Variants in VPS13B observed in about 807,000 individuals in gnomAD.
The protein encoded by VPS13B is vacuolar protein sorting 13 homolog B.
In VPS13B, 285 loss-of-function variants were observed where a neutral mutation model predicts 426.4. The observed-to-expected ratio is 0.67, with a 90% CI of 0.61 to 0.74. VPS13B has a LOEUF of 0.74. Ranked by LOEUF, VPS13B falls within the 30% of genes least tolerant of loss-of-function variation. VPS13B has a pLI of 0.00. For synonymous variants in VPS13B, 1,676 were observed against 1,676.4 expected, an observed-to-expected ratio of 1.00 and a Z score of 0.01; for missense variants, 4,537 against 4,782.6, an observed-to-expected ratio of 0.95 and a Z score of 1.51.
chr8:99,121,234 A>C lies in VPS13B; in HGVS notation c.995A>C (p.Glu332Ala). 1 of 1,614,140 alleles carries C rather than the reference A, an allele frequency of 6.2e-7. No individual in the cohort carries two copies. Among genetic ancestry groups the C allele is most frequent in the Non-Finnish European group, 8.5e-7 (1 of 1,180,004 alleles). ...MQYPAQHKGQELYSQQDEEQP... is the reference protein window; with the variant it reads ...MQYPAQHKGQALYSQQDEEQP... Reference sequence around the variant, plus strand: ...TATCCTGCTCAGCATAAAGGTCAAGAGTTATATTCACAGCAAGATGAGGAG... The same window carrying C: ...TATCCTGCTCAGCATAAAGGTCAAGCGTTATATTCACAGCAAGATGAGGAG... Residue 332 changes from glutamate to alanine, a missense_variant, in exon 8 of 62, where the codon GAG (glutamate) becomes GCG (alanine). Glu to Ala is a moderately radical substitution (Grantham distance 107). Coordinates refer to ENST00000357162, the MANE Select transcript of VPS13B (RefSeq NM_152564.5).
In VPS13B at chr8:99,024,780, CAG is replaced by C. The variant is rs148685772; in HGVS notation, c.147+10848_147+10849del. Among the ~76,000 whole-genome samples, 200 of 152,268 alleles carry C rather than the reference CAG, an allele frequency of 1.3e-3. 2 individuals carry two copies. Among genetic ancestry groups the C allele is most frequent in the African/African-American group, 4.6e-3 (191 of 41,552 alleles). ...TTTGCTCAGAATTGCTTTGGTTATTCAGAGTCTAGTAGCCAAATACAAATTTT... is the reference window on the plus strand; with the variant it reads ...TTTGCTCAGAATTGCTTTGGTTATTCAGTCTAGTAGCCAAATACAAATTTT... On this transcript the variant is annotated intron_variant, in intron 2 of 61. Coordinates refer to ENST00000357162, the MANE Select transcript of VPS13B (RefSeq NM_152564.5).
At chr8:99,783,265 A>G (rs1355792453) in intron 42 of VPS13B, among the ~76,000 whole-genome samples, 1 of 152,152 alleles carries the variant, frequency 6.6e-6, no homozygotes, top group Non-Finnish European at 1.5e-5. Flanking sequence ...AAAGTGGCAA[A>G]TGATGGAGTG....
intron 30 of VPS13B, among the ~76,000 whole-genome samples, chr8:99,540,040 TATATATATATATATATATATATA>T (rs1301133921): frequency 0.12 from 539 of 4,574 alleles, 5 homozygotes; most frequent in East Asian, 0.25. Context: ...TATATATATA[TATATATATATATATATATATATA>T]TTTTTTTTTT....
intron 19 of VPS13B, among the ~76,000 whole-genome samples, chr8:99,331,601 C>A (rs1810547318): frequency 6.6e-6 from 1 of 151,570 alleles, no homozygotes; most frequent in African/African-American, 2.4e-5. Flanking sequence ...CCTGTAAGGG[C>A]CAGTTGGTTA....
intron 36 of VPS13B, among the ~76,000 whole-genome samples, chr8:99,714,671 C>T (rs1832841011): frequency 6.6e-6 from 1 of 152,088 alleles, no homozygotes; most frequent in Non-Finnish European, 1.5e-5. Context: ...CTAAGGGGGT[C>T]ACTTTGGTGG....
intron 19 of VPS13B, among the ~76,000 whole-genome samples, chr8:99,374,047 G>A (rs889148626): frequency 6.6e-6 from 1 of 151,964 alleles, no homozygotes; most frequent in Non-Finnish European, 1.5e-5. Context: ...TTTTCAATGG[G>A]TATAGAAATC....
chr8:99,816,063 C>T (rs772183464), intron 44 of VPS13B, among the ~76,000 whole-genome samples: 9 of 150,150 alleles, frequency 6.0e-5, no homozygotes, highest in African/African-American at 2.0e-4. Flanking sequence ...AACTCCTAAC[C>T]TTGGCCTCTA....
chr8:99,744,472 A>G (rs1809956978), intron 39 of VPS13B, among the ~76,000 whole-genome samples: 1 of 152,234 alleles, frequency 6.6e-6, no homozygotes. Flanking sequence ...GTTACTGGGT[A>G]TATACCCAAA....
At chr8:99,190,205 G>T (rs1179312054) in intron 16 of VPS13B, among the ~76,000 whole-genome samples, 1 of 152,020 alleles carries the variant, frequency 6.6e-6, no homozygotes, top group Non-Finnish European at 1.5e-5. Flanking sequence ...AGTTTACTTT[G>T]TCTAATGTTA....
chr8:99,123,139 A>G (rs1369097590), intron 8 of VPS13B, among the ~76,000 whole-genome samples: 1 of 151,560 alleles, frequency 6.6e-6, no homozygotes, highest in Non-Finnish European at 1.5e-5. Flanking sequence ...AAAAAAAAAA[A>G]AAAAAAGAAA....
At chr8:99,724,862 C>G (rs1178616652) in intron 39 of VPS13B, among the ~76,000 whole-genome samples, 1 of 152,202 alleles carries the variant, frequency 6.6e-6, no homozygotes, top group Non-Finnish European at 1.5e-5. Flanking sequence ...CTCTGTTACT[C>G]TGCCAGACTG....
chr8:99,057,683 A>C (rs1452187932), intron 3 of VPS13B, among the ~76,000 whole-genome samples: 2 of 152,184 alleles, frequency 1.3e-5, no homozygotes, highest in Admixed American at 6.5e-5. Context: ...GTCCCATAGA[A>C]TGTTCCAAAC....
intron 39 of VPS13B, among the ~76,000 whole-genome samples, chr8:99,743,349 C>T (rs1809869209): frequency 6.6e-6 from 1 of 151,874 alleles, no homozygotes; most frequent in African/African-American, 2.4e-5. Context: ...AAGAACATTC[C>T]ATGCTCATGG....
intron 30 of VPS13B, among the ~76,000 whole-genome samples, chr8:99,527,265 T>C (rs1164189379): frequency 1.3e-5 from 2 of 152,092 alleles, no homozygotes; most frequent in Admixed American, 1.3e-4. Flanking sequence ...AATAAAACAC[T>C]TCTGTTAACT....
chr8:99,066,285 T>G (rs907870176), intron 3 of VPS13B, among the ~76,000 whole-genome samples: 50 of 152,224 alleles, frequency 3.3e-4, no homozygotes, highest in Non-Finnish European at 6.0e-4. Flanking sequence ...AACAGCATGG[T>G]ACTGGTACCA....
At chr8:99,685,886 T>C (rs1180976280) in intron 35 of VPS13B, among the ~76,000 whole-genome samples, 1 of 152,204 alleles carries the variant, frequency 6.6e-6, no homozygotes, top group Non-Finnish European at 1.5e-5. Context: ...CATGTTTGCC[T>C]GGATGGTTTT....
At chr8:99,455,627 C>T (rs921238212) in intron 23 of VPS13B, among the ~76,000 whole-genome samples, 1 of 152,070 alleles carries the variant, frequency 6.6e-6, no homozygotes, top group Admixed American at 6.6e-5. Flanking sequence ...TGTAGTTGAT[C>T]CCTGCTCCTA....
chr8:99,574,207 G>C (rs542993788), intron 31 of VPS13B, among the ~76,000 whole-genome samples: 8 of 152,126 alleles, frequency 5.3e-5, no homozygotes, highest in Admixed American at 3.9e-4. Context: ...TGGGCTGAGA[G>C]GATGGGGTTT....
intron 20 of VPS13B, among the ~76,000 whole-genome samples, chr8:99,390,836 G>A (rs1470554332): frequency 1.3e-5 from 2 of 152,148 alleles, no homozygotes; most frequent in African/African-American, 4.8e-5. Context: ...TGACAAAATT[G>A]TATTGGGCAT....
Sources: allele counts gnomAD v4.1 joint callset (sites outside exome capture counted in the v4.1 genomes callset), GRCh38; gene constraint gnomAD v4.1.1; transcripts MANE v1.5; gene names NCBI Gene and HGNC (gene_info 2026-07-23, HGNC 2026-07-21).